Variants in ADAMTSL1 observed in about 807,000 individuals in gnomAD.
The protein encoded by ADAMTSL1 is ADAMTS like 1.
Under a neutral mutation model 201.8 loss-of-function variants are expected in ADAMTSL1, and 126 were observed. The ratio of observed to expected loss-of-function variants is 0.62; its 90% confidence interval spans 0.54 to 0.72. The LOEUF (loss-of-function observed/expected upper bound fraction) is 0.72. ADAMTSL1 is among the 30% of genes least tolerant of loss of function. The pLI is 0.00. For synonymous variants in ADAMTSL1, 1,121 were observed against 903.4 expected, an observed-to-expected ratio of 1.24 and a Z score of -4.32; for missense variants, 2,679 against 2,277.8, an observed-to-expected ratio of 1.18 and a Z score of -3.59.
intron 21 of ADAMTSL1, among the ~76,000 whole-genome samples, chr9:18,824,116 G>C (rs1346391964): frequency 6.6e-6 from 1 of 152,084 alleles, no homozygotes; most frequent in African/African-American, 2.4e-5. Flanking sequence ...GTTCTTTCAG[G>C]AGAAAAATAG....
At chr9:18,822,633 C>T (rs1824281644) in intron 21 of ADAMTSL1, among the ~76,000 whole-genome samples, 1 of 152,156 alleles carries the variant, frequency 6.6e-6, no homozygotes, top group Non-Finnish European at 1.5e-5. Flanking sequence ...ATCGTTCAGG[C>T]ATCCAAACAA....
At chr9:18,511,038 A>G (rs1817990014) in intron 2 of ADAMTSL1, among the ~76,000 whole-genome samples, 1 of 152,158 alleles carries the variant, frequency 6.6e-6, no homozygotes, top group African/African-American at 2.4e-5. Flanking sequence ...GACAGTTAAT[A>G]TAATGTGTAA....
intron 2 of ADAMTSL1, among the ~76,000 whole-genome samples, chr9:18,455,716 G>T (rs1820575603): frequency 6.6e-6 from 1 of 151,938 alleles, no homozygotes; most frequent in African/African-American, 2.4e-5. Flanking sequence ...AACATTTTGG[G>T]CATGGACCCA....
intron 2 of ADAMTSL1, among the ~76,000 whole-genome samples, chr9:18,466,660 A>C (rs754110823): frequency 6.6e-6 from 1 of 152,130 alleles, no homozygotes; most frequent in Non-Finnish European, 1.5e-5. Flanking sequence ...TTTAAAATGA[A>C]CTATACTACA....
chr9:18,460,571 A>G lies in ADAMTSL1; in HGVS notation c.208-44258A>G, dbSNP rs1246670277. 3.9e-5 allele frequency among the ~76,000 whole-genome samples: 6 copies of G among 152,038 alleles called. No individual in the cohort carries two copies. The East Asian group carries it at 9.6e-4, about 24-fold the overall frequency. On this transcript the variant is annotated intron_variant, in intron 2 of 29. Transcript: ENST00000680146. ...GTTGTACTCTGATTTAATAGGGGGG[A>G]AATGAAATCTGAAGCAGAGTGAATT... is the stretch of plus-strand genomic sequence containing the variant.
At chr9:18,642,658 A>C (rs372750515) in intron 7 of ADAMTSL1, among the ~76,000 whole-genome samples, 19 of 152,088 alleles carry the variant, frequency 1.2e-4, no homozygotes, top group Admixed American at 9.8e-4. Flanking sequence ...GATTTGACAC[A>C]GAAGTATTAT....
At position 18,777,180 on chromosome 9, in the gene ADAMTSL1, G is replaced by T. The variant is rs751662761; in HGVS notation, c.2951G>T (p.Arg984Met). 1 of 1,612,900 alleles carries T rather than the reference G, an allele frequency of 6.2e-7. No homozygotes were observed. Among genetic ancestry groups the T allele is most frequent in the South Asian group, 1.1e-5 (1 of 91,078 alleles). ...AGTGAGGAAGAGGTGCTTGCGGGGA[G>T]GAAGGGCGGCCCGAAGGAGGCCCTG... ...PRSEEEVLAGRKGGPKEALQT... is the reference protein window; with the variant it reads ...PRSEEEVLAGMKGGPKEALQT... Residue 984 changes from arginine (R) to methionine (M), a missense_variant, in exon 19 of 29, where the codon AGG (arginine) becomes ATG (methionine). By Grantham distance (91) the Arg-to-Met change is moderately conservative. Coordinates refer to ENST00000380548, the MANE Select transcript of ADAMTSL1 (RefSeq NM_001040272.6).
intron 24 of ADAMTSL1, among the ~76,000 whole-genome samples, chr9:18,888,449 G>A (rs534329776): frequency 6.6e-6 from 1 of 152,360 alleles, no homozygotes; most frequent in South Asian, 2.1e-4. Context: ...TGATGCCAGT[G>A]CCTGCTGATC....
At chr9:18,036,588 C>T (rs1821210130) in intron 1 of ADAMTSL1, among the ~76,000 whole-genome samples, 1 of 152,156 alleles carries the variant, frequency 6.6e-6, no homozygotes, top group Non-Finnish European at 1.5e-5. Context: ...TCAGATCTTG[C>T]TGAAAACAGC....
intron 1 of ADAMTSL1, among the ~76,000 whole-genome samples, chr9:18,111,774 T>C (rs143348773): frequency 6.6e-6 from 1 of 152,308 alleles, no homozygotes; most frequent in Non-Finnish European, 1.5e-5. Flanking sequence ...CATAAAGCTA[T>C]GAGTCAAGTG....
chr9:17,926,070 G>A (rs192704589), intron 1 of ADAMTSL1, among the ~76,000 whole-genome samples: 2 of 152,088 alleles, frequency 1.3e-5, no homozygotes, highest in East Asian at 1.9e-4. Context: ...CTGCAGATAC[G>A]CTCCACTGAC....
intron 26 of ADAMTSL1, among the ~76,000 whole-genome samples, chr9:18,896,577 G>A (rs1044649129): frequency 2.0e-5 from 3 of 152,144 alleles, no homozygotes; most frequent in Non-Finnish European, 4.4e-5. Context: ...CTTGACCCAT[G>A]GAGAATGAAG....
chr9:18,222,164 T>G (rs1430680690), intron 2 of ADAMTSL1, among the ~76,000 whole-genome samples: 6 of 152,000 alleles, frequency 3.9e-5, no homozygotes, highest in Non-Finnish European at 8.8e-5. Flanking sequence ...AGTGTTTTCT[T>G]TATGTTCTAG....
At chr9:18,330,028 A>T (rs1423346801) in intron 2 of ADAMTSL1, among the ~76,000 whole-genome samples, 3 of 152,220 alleles carry the variant, frequency 2.0e-5, no homozygotes. Flanking sequence ...TAAGGGGGTT[A>T]AAACAGGTCT....
rs555509710 is a variant in ADAMTSL1 at position 18,743,927 on chromosome 9, C to T, written c.2007-9371C>T. The stretch of plus-strand genomic sequence containing the variant: ...CTTTTCTGACTTTGTCTATTTCCCT[C>T]TCTCTGTAACCCTTCGTGATTCACT... On this transcript the variant is annotated intron_variant, in intron 15 of 28. Coordinates refer to ENST00000380548, the MANE Select transcript of ADAMTSL1 (RefSeq NM_001040272.6). Among the ~76,000 whole-genome samples, 3 of 152,310 alleles carry T rather than the reference C, an allele frequency of 2.0e-5. No individual in the cohort carries two copies. In the South Asian group the frequency reaches 6.2e-4, roughly 32 times the overall value.
intron 2 of ADAMTSL1, among the ~76,000 whole-genome samples, chr9:18,319,535 C>T (rs113569436): frequency 2.0e-5 from 3 of 152,098 alleles, no homozygotes; most frequent in African/African-American, 4.8e-5. Context: ...TAGATAACTA[C>T]GTAAACTCTC....
intron 2 of ADAMTSL1, among the ~76,000 whole-genome samples, chr9:18,342,783 A>C (rs776031320): frequency 5.7e-4 from 86 of 152,112 alleles, no homozygotes; most frequent in Non-Finnish European, 6.3e-4. Context: ...TATAATATTT[A>C]ACATCTTCTC....
chr9:18,712,529 C>G (rs1309363622), intron 14 of ADAMTSL1, among the ~76,000 whole-genome samples: 1 of 151,686 alleles, frequency 6.6e-6, no homozygotes, highest in Admixed American at 6.6e-5. Flanking sequence ...TGAAATGAAG[C>G]GAGAAGGGAA....
chr9:18,803,142 T>C (rs908063475), intron 20 of ADAMTSL1, among the ~76,000 whole-genome samples: 2 of 152,266 alleles, frequency 1.3e-5, no homozygotes, highest in Non-Finnish European at 2.9e-5. Context: ...AGAAGTCTAA[T>C]ACAGTCTCAT....
Sources: allele counts gnomAD v4.1 joint callset (sites outside exome capture counted in the v4.1 genomes callset), GRCh38; gene constraint gnomAD v4.1.1; transcripts MANE v1.5; gene names NCBI Gene and HGNC (gene_info 2026-07-23, HGNC 2026-07-21).